Variants in AFF3 observed in about 807,000 individuals in gnomAD.
AFF3 encodes the protein ALF transcription elongation factor 3.
Under a neutral mutation model 129.7 loss-of-function variants are expected in AFF3, and 32 were observed. The observed-to-expected ratio is 0.25, with a 90% CI of 0.19 to 0.33. AFF3 has a LOEUF of 0.33. Among genes scored for constraint, AFF3 ranks in the 10% least tolerant of loss-of-function variants. The pLI, the probability that AFF3 is intolerant of heterozygous loss-of-function variation, is 1.00. For synonymous variants in AFF3, 644 were observed against 635.4 expected (o/e 1.01, Z -0.20); for missense variants, 1,373 against 1,592.0 (o/e 0.86, Z 2.34).
At chr2:99,993,437 G>T (rs1442479637) in intron 7 of AFF3, among the ~76,000 whole-genome samples, 2 of 151,628 alleles carry the variant, frequency 1.3e-5, no homozygotes, top group Non-Finnish European at 2.9e-5. Flanking sequence ...TCTCAGAAAA[G>T]AATAATTTAA....
At chr2:99,808,644 A>G (rs1453176923) in intron 8 of AFF3, among the ~76,000 whole-genome samples, 1 of 152,242 alleles carries the variant, frequency 6.6e-6, no homozygotes, top group Non-Finnish European at 1.5e-5. Flanking sequence ...AACAGAATTA[A>G]GAAGTGGCTT....
chr2:100,139,212 T>C (rs1692760513), intron 1 of AFF3, among the ~76,000 whole-genome samples: 1 of 152,186 alleles, frequency 6.6e-6, no homozygotes, highest in African/African-American at 2.4e-5. Context: ...CTATTTGCCC[T>C]TTCTCTCTTC....
chr2:100,082,930 A>AT (rs1349080833), intron 4 of AFF3, among the ~76,000 whole-genome samples: 8 of 152,028 alleles, frequency 5.3e-5, no homozygotes, highest in Non-Finnish European at 1.2e-4. Context: ...AAAATACAAA[A>AT]TTAGCTGGGC....
At chr2:99,670,399 T>C (rs1326052767) in intron 12 of AFF3, among the ~76,000 whole-genome samples, 1 of 152,106 alleles carries the variant, frequency 6.6e-6, no homozygotes, top group Non-Finnish European at 1.5e-5. Flanking sequence ...GGATTTTTCA[T>C]ACACTGTAGT....
chr2:99,918,450 G>T (rs1304123140), intron 7 of AFF3, among the ~76,000 whole-genome samples: 1 of 152,120 alleles, frequency 6.6e-6, no homozygotes, highest in Non-Finnish European at 1.5e-5. Flanking sequence ...ACTCCAGAAG[G>T]CAGAGTAACA....
intron 14 of AFF3, among the ~76,000 whole-genome samples, chr2:99,595,659 T>A (rs1000276527): frequency 6.8e-6 from 1 of 146,066 alleles, no homozygotes; most frequent in Non-Finnish European, 1.5e-5. Context: ...GAGGCCTGTA[T>A]TAAGAGCAGA....
At chr2:100,091,237 G>GA (rs1274000371) in intron 4 of AFF3, among the ~76,000 whole-genome samples, 2 of 152,074 alleles carry the variant, frequency 1.3e-5, no homozygotes, top group African/African-American at 4.8e-5. Flanking sequence ...GATTAAAAGA[G>GA]ATAATACATA....
At chr2:100,041,168 A>G (rs1685394321) in intron 4 of AFF3, among the ~76,000 whole-genome samples, 1 of 152,252 alleles carries the variant, frequency 6.6e-6, no homozygotes, top group Admixed American at 6.5e-5. Flanking sequence ...ATGGGTTCAC[A>G]CGGAAGCTAC....
At position 100,007,325 on chromosome 2, in the gene AFF3, G is replaced by A. The variant is rs764775956; in HGVS notation, c.310C>T (p.Pro104Ser). 3.1e-6 allele frequency: 5 copies of A among 1,614,158 alleles called. No homozygotes were observed. Among genetic ancestry groups the A allele is most frequent in the Non-Finnish European group, 4.2e-6 (5 of 1,180,032 alleles). Residue 104 changes from proline (P) to serine (S), a missense_variant, in exon 6 of 25, where the codon CCT becomes TCT. Coordinates refer to ENST00000672756, the MANE Select transcript of AFF3 (RefSeq NM_001386135.1). Reference protein sequence around the residue: ...GVPKPGVPQTPVNKIDEHFVA... With the variant: ...GVPKPGVPQTSVNKIDEHFVA... Reference sequence around the variant, plus strand: ...AAATGTTCATCGATCTTGTTCACAGGAGTCTGAGGAACCCCAGGTTTGGGA... The same window carrying A: ...AAATGTTCATCGATCTTGTTCACAGAAGTCTGAGGAACCCCAGGTTTGGGA...
At chr2:99,940,732 C>T (rs1462281472) in intron 7 of AFF3, among the ~76,000 whole-genome samples, 2 of 152,120 alleles carry the variant, frequency 1.3e-5, no homozygotes, top group Admixed American at 1.3e-4. Context: ...ATTCTTTTAT[C>T]CCTTTACTTT....
At chr2:100,072,913 G>C (rs1330710702) in intron 4 of AFF3, among the ~76,000 whole-genome samples, 2 of 152,062 alleles carry the variant, frequency 1.3e-5, no homozygotes, top group Non-Finnish European at 2.9e-5. Flanking sequence ...CATATTAAAT[G>C]ACTTGGCTAG....
chr2:99,754,230 T>A (rs952401859), intron 8 of AFF3, among the ~76,000 whole-genome samples: 2 of 152,250 alleles, frequency 1.3e-5, no homozygotes, highest in Non-Finnish European at 2.9e-5. Flanking sequence ...AAATTATTCA[T>A]CAATTACAAA....
intron 8 of AFF3, among the ~76,000 whole-genome samples, chr2:99,806,215 T>G (rs555435342): frequency 6.6e-6 from 1 of 152,326 alleles, no homozygotes; most frequent in South Asian, 2.1e-4. Context: ...GCACTAATCA[T>G]CTTGTGAATT....
At position 99,551,218 on chromosome 2, in the gene AFF3, C is replaced by T; in HGVS notation, c.*256G>A. 1.8e-6 allele frequency: 1 copy of T among 552,442 alleles called. No individual in the cohort carries two copies. Among genetic ancestry groups the T allele is most frequent in the Non-Finnish European group, 3.2e-6 (1 of 310,748 alleles). The allele number at this position is 552,442 out of a possible 1,614,324, so 34.2% of individuals were successfully genotyped here. On this transcript the variant is annotated 3_prime_UTR_variant, in exon 25 of 25. Transcript: ENST00000672756. Reference sequence around the variant, plus strand: ...AGTCAGAAACCTCTGATCACTTTGTCTAGCCTGGGATTATGGAAACTAGAC... The same window carrying T: ...AGTCAGAAACCTCTGATCACTTTGTTTAGCCTGGGATTATGGAAACTAGAC...
intron 13 of AFF3, among the ~76,000 whole-genome samples, chr2:99,643,055 A>ATTTTTTTTTTTTTTTTT (rs34572652): frequency 9.9e-6 from 1 of 100,864 alleles, no homozygotes; most frequent in Non-Finnish European, 1.9e-5. Flanking sequence ...TACTTAAAAG[A>ATTTTTTTTTTTTTTTTT]TTTTTTTTTT....
intron 11 of AFF3, among the ~76,000 whole-genome samples, chr2:99,719,772 C>A (rs182865714): frequency 6.6e-6 from 1 of 152,094 alleles, no homozygotes; most frequent in Non-Finnish European, 1.5e-5. Flanking sequence ...ACGTATTGGC[C>A]GGGCACGGTG....
chr2:99,946,107 T>C (rs1477515521), intron 7 of AFF3, among the ~76,000 whole-genome samples: 1 of 152,172 alleles, frequency 6.6e-6, no homozygotes, highest in Non-Finnish European at 1.5e-5. Context: ...CCCTGGGTTC[T>C]ACCAGACACA....
At chr2:99,892,115 C>T (rs190623965) in intron 7 of AFF3, among the ~76,000 whole-genome samples, 65 of 152,198 alleles carry the variant, frequency 4.3e-4, no homozygotes, top group Non-Finnish European at 8.5e-4. Flanking sequence ...AGCCACCACA[C>T]CCGGCCAAAG....
At chr2:100,029,540 T>C (rs953044116) in intron 4 of AFF3, among the ~76,000 whole-genome samples, 5 of 152,146 alleles carry the variant, frequency 3.3e-5, no homozygotes, top group African/African-American at 4.8e-5. Flanking sequence ...GATATGATGC[T>C]GAGTGAAATA....
Sources: allele counts gnomAD v4.1 joint callset (sites outside exome capture counted in the v4.1 genomes callset), GRCh38; gene constraint gnomAD v4.1.1; transcripts MANE v1.5; gene names NCBI Gene and HGNC (gene_info 2026-07-23, HGNC 2026-07-21).